The following DLG2 variants were observed in gnomAD, a reference collection of about 807,000 sequenced individuals.
The protein encoded by DLG2 is discs large MAGUK scaffold protein 2, also known as disks large homolog 2.
Under a neutral mutation model 132.5 loss-of-function variants are expected in DLG2, and 45 were observed. That is an observed-to-expected ratio of 0.34 (90% confidence interval 0.27 to 0.44). The LOEUF (loss-of-function observed/expected upper bound fraction) is 0.44. DLG2 is among the 20% of genes least tolerant of loss of function. The pLI is 1.00. For missense variants in DLG2, 1,045 were observed against 1,196.9 expected (o/e 0.87, Z 1.87); for synonymous variants, 424 against 419.6 (o/e 1.01, Z -0.13).
chr11:84,522,411 T>C (rs2099306312), intron 7 of DLG2, among the ~76,000 whole-genome samples: 1 of 152,162 alleles, frequency 6.6e-6, no homozygotes. Flanking sequence ...GTTGTTCTGT[T>C]CTATGTAAAG....
chr11:84,590,579 T>G (rs2154530510), intron 6 of DLG2, among the ~76,000 whole-genome samples: 1 of 152,248 alleles, frequency 6.6e-6, no homozygotes, highest in South Asian at 2.1e-4. Context: ...GGGTGAGAGA[T>G]AATGGCTCGT....
At chr11:84,276,927 T>C (rs568396680) in intron 7 of DLG2, among the ~76,000 whole-genome samples, 1 of 152,188 alleles carries the variant, frequency 6.6e-6, no homozygotes, top group Admixed American at 6.5e-5. Context: ...AGAATGCACA[T>C]GAGACAAAAA....
At chr11:84,031,607 C>A (rs895023330) in intron 11 of DLG2, among the ~76,000 whole-genome samples, 43 of 152,274 alleles carry the variant, frequency 2.8e-4, no homozygotes, top group Non-Finnish European at 8.8e-5. Flanking sequence ...AGGCTTCACA[C>A]AGCATTGAAA....
intron 7 of DLG2, among the ~76,000 whole-genome samples, chr11:84,267,312 G>GA (rs1227141920): frequency 6.6e-6 from 1 of 152,178 alleles, no homozygotes; most frequent in Non-Finnish European, 1.5e-5. Flanking sequence ...AGTAAGGAGG[G>GA]AAAAGGCATG....
chr11:83,685,622 A>T (rs2079601287), intron 18 of DLG2, among the ~76,000 whole-genome samples: 1 of 151,808 alleles, frequency 6.6e-6, no homozygotes, highest in Non-Finnish European at 1.5e-5. Flanking sequence ...CTTCTTTTTT[A>T]TACTCGCTCC....
At chr11:84,313,492 G>T (rs969231675) in intron 7 of DLG2, among the ~76,000 whole-genome samples, 1 of 100,656 alleles carries the variant, frequency 9.9e-6, no homozygotes, top group Admixed American at 1.3e-4. Flanking sequence ...GTCAAAGAAA[G>T]AAAGAAAGAA....
At chr11:83,919,495 T>C (rs1453046095) in intron 15 of DLG2, among the ~76,000 whole-genome samples, 2 of 152,208 alleles carry the variant, frequency 1.3e-5, no homozygotes, top group African/African-American at 4.8e-5. Context: ...TTTGAAATAT[T>C]CTATCCATAA....
At chr11:84,862,261 C>T (rs1034280025) in intron 6 of DLG2, among the ~76,000 whole-genome samples, 1 of 151,950 alleles carries the variant, frequency 6.6e-6, no homozygotes, top group Admixed American at 6.6e-5. Context: ...AAACCAAAAC[C>T]ACAATGAGAT....
chr11:84,833,398 A>G (rs1327668564), intron 6 of DLG2, among the ~76,000 whole-genome samples: 1 of 151,574 alleles, frequency 6.6e-6, no homozygotes, highest in South Asian at 2.1e-4. Flanking sequence ...ACTGGTTTTT[A>G]TCTCACCCCT....
chr11:85,149,557 T>C (rs1456792161), intron 5 of DLG2, among the ~76,000 whole-genome samples: 1 of 152,142 alleles, frequency 6.6e-6, no homozygotes, highest in Non-Finnish European at 1.5e-5. Flanking sequence ...AGGTAGTAAA[T>C]AGCATAAACT....
At chr11:83,752,315 T>G (rs1174093026) in intron 18 of DLG2, among the ~76,000 whole-genome samples, 1 of 151,336 alleles carries the variant, frequency 6.6e-6, no homozygotes, top group Non-Finnish European at 1.5e-5. Context: ...CACTCCAAAT[T>G]ACAGGTTTTA....
intron 21 of DLG2, chr11:83,486,041 C>T (rs1468399417): frequency 2.2e-6 from 1 of 447,248 alleles, no homozygotes; most frequent in Non-Finnish European, 3.9e-6. Context: ...AGAGGTATCA[C>T]TTCAGAATTT....
intron 7 of DLG2, among the ~76,000 whole-genome samples, chr11:84,504,168 A>T (rs1434537897): frequency 6.6e-6 from 1 of 152,230 alleles, no homozygotes; most frequent in African/African-American, 2.4e-5. Context: ...TACACCTAAG[A>T]AAACTAAAGC....
chr11:85,624,941 C>G (rs978196066), intron 2 of DLG2, among the ~76,000 whole-genome samples: 10 of 152,078 alleles, frequency 6.6e-5, no homozygotes, highest in African/African-American at 2.4e-4. Flanking sequence ...TATAATTTCA[C>G]CAATGTATCA....
intron 19 of DLG2, among the ~76,000 whole-genome samples, chr11:83,573,180 A>T (rs747969585): frequency 2.0e-5 from 3 of 152,188 alleles, no homozygotes; most frequent in Non-Finnish European, 2.9e-5. Flanking sequence ...TCAATTTATG[A>T]CTAAATAAAT....
chr11:84,215,950 G>A (rs1386792655), intron 8 of DLG2, among the ~76,000 whole-genome samples: 1 of 152,176 alleles, frequency 6.6e-6, no homozygotes, highest in Non-Finnish European at 1.5e-5. Flanking sequence ...TGTTCGGTAA[G>A]TTTTGGTTTT....
intron 6 of DLG2, among the ~76,000 whole-genome samples, chr11:85,003,040 T>C (rs1253103905): frequency 6.6e-6 from 1 of 152,106 alleles, no homozygotes; most frequent in Admixed American, 6.6e-5. Flanking sequence ...AGTCAAATAC[T>C]AACAGGCTGC....
intron 18 of DLG2, among the ~76,000 whole-genome samples, chr11:83,761,007 T>G (rs559915898): frequency 3.9e-4 from 59 of 152,310 alleles, no homozygotes; most frequent in Non-Finnish European, 3.5e-4. Context: ...CAAATTTTTC[T>G]TTTCAGATTT....
intron 7 of DLG2, among the ~76,000 whole-genome samples, chr11:84,448,375 A>G (rs1228770117): frequency 6.6e-6 from 1 of 152,066 alleles, no homozygotes; most frequent in African/African-American, 2.4e-5. Context: ...TTAGTCCATG[A>G]CATTTATGAG....
Sources: allele counts gnomAD v4.1 joint callset (sites outside exome capture counted in the v4.1 genomes callset), GRCh38; gene constraint gnomAD v4.1.1; transcripts MANE v1.5; gene names NCBI Gene and HGNC (gene_info 2026-07-23, HGNC 2026-07-21).